IPO11: variants seen among roughly 807,000 people sequenced by gnomAD.
The protein encoded by IPO11 is importin 11, also known as importin-11.
In IPO11, 66 loss-of-function variants were observed where a neutral mutation model predicts 143.2. The ratio of observed to expected loss-of-function variants is 0.46; its 90% CI spans 0.38 to 0.57. The LOEUF is 0.57. Ranked by LOEUF, IPO11 falls within the 20% of genes least tolerant of loss-of-function variation. The pLI is 0.00. For synonymous variants in IPO11, 385 were observed against 377.8 expected, an observed-to-expected ratio of 1.02 and a Z score of -0.22; for missense variants, 1,026 against 1,141.0, an observed-to-expected ratio of 0.90 and a Z score of 1.45.
At chr5:62,614,700 C>G (rs969860547) in intron 29 of IPO11, among the ~76,000 whole-genome samples, 1 of 149,020 alleles carries the variant, frequency 6.7e-6, no homozygotes, top group African/African-American at 2.6e-5. Flanking sequence ...CTCCGAAAAC[C>G]CAAGTGTGCG....
intron 22 of IPO11, among the ~76,000 whole-genome samples, chr5:62,532,089 G>A (rs139553474): frequency 2.2e-3 from 336 of 152,208 alleles, no homozygotes; most frequent in African/African-American, 7.6e-3. Context: ...CAACTTTGTC[G>A]TGAACAACAT....
intron 29 of IPO11, among the ~76,000 whole-genome samples, chr5:62,616,432 G>A (rs1172907356): frequency 6.6e-6 from 1 of 152,014 alleles, no homozygotes; most frequent in Non-Finnish European, 1.5e-5. Context: ...CATCTGATCT[G>A]TGATAAAAAC....
intron 1 of IPO11, among the ~76,000 whole-genome samples, chr5:62,429,587 C>CAT (rs1743898562): frequency 7.8e-6 from 1 of 128,502 alleles, no homozygotes; most frequent in Non-Finnish European, 1.6e-5. Flanking sequence ...GTCTGATTTT[C>CAT]GTGTGTGTGT....
chr5:62,581,232 G>A (rs1208740792), intron 27 of IPO11: 1 of 1,546,268 alleles, frequency 6.5e-7, no homozygotes. Flanking sequence ...CTGGCTTGGA[G>A]CAGATTCGAC....
At chr5:62,446,302 T>C (rs567161183) in intron 3 of IPO11, among the ~76,000 whole-genome samples, 95 of 152,346 alleles carry the variant, frequency 6.2e-4, no homozygotes, top group Non-Finnish European at 2.9e-4. Flanking sequence ...CAGAAACTTT[T>C]ACACACATGT....
chr5:62,525,160 C>T (rs765515680), intron 20 of IPO11, among the ~76,000 whole-genome samples: 1 of 152,134 alleles, frequency 6.6e-6, no homozygotes, highest in Non-Finnish European at 1.5e-5. Context: ...CCAACATCAT[C>T]CTTTTTCCTT....
chr5:62,470,452 C>A (rs1745725929), intron 7 of IPO11, 144 bp downstream of exon 7: 2 of 718,032 alleles, frequency 2.8e-6, no homozygotes, highest in South Asian at 3.5e-5. Flanking sequence ...GACTTTTAGA[C>A]TTCTGGTCTG....
At chr5:62,500,696 C>T (rs1434127796) in intron 16 of IPO11, among the ~76,000 whole-genome samples, 2 of 152,236 alleles carry the variant, frequency 1.3e-5, no homozygotes, top group African/African-American at 4.8e-5. Flanking sequence ...TGGGATCTCT[C>T]TATGTTGCCC....
At chr5:62,606,244 GC>G (rs1202299466) in intron 29 of IPO11, among the ~76,000 whole-genome samples, 2 of 150,602 alleles carry the variant, frequency 1.3e-5, no homozygotes, top group Admixed American at 1.3e-4. Context: ...ACTTTGGGAG[GC>G]CGAGGTGGGC....
At chr5:62,489,976 C>A in intron 14 of IPO11, 139 bp from the exon 15 acceptor site, 1 of 418,420 alleles carries the variant, frequency 2.4e-6, no homozygotes, top group Non-Finnish European at 4.2e-6. Flanking sequence ...ATTATTTCTT[C>A]TACTTAAATT....
chr5:62,560,896 G>A, intron 26 of IPO11: 1 of 302,004 alleles, frequency 3.3e-6, no homozygotes, highest in Non-Finnish European at 6.1e-6. Context: ...TCACTCATGG[G>A]CTACATACAT....
At chr5:62,442,202 T>A (rs181122071) in intron 2 of IPO11, among the ~76,000 whole-genome samples, 51 of 152,338 alleles carry the variant, frequency 3.3e-4, no homozygotes, top group Non-Finnish European at 4.9e-4. Context: ...TGAAATAGTT[T>A]TATTTCATAG....
At chr5:62,463,518 A>G (rs1745451005) in intron 5 of IPO11, among the ~76,000 whole-genome samples, 1 of 151,784 alleles carries the variant, frequency 6.6e-6, no homozygotes, top group African/African-American at 2.4e-5. Context: ...AAAAATAAAT[A>G]TATAAATTAA....
At chr5:62,602,855 T>C (rs373403903) in intron 29 of IPO11, among the ~76,000 whole-genome samples, 12 of 152,362 alleles carry the variant, frequency 7.9e-5, no homozygotes, top group Non-Finnish European at 1.6e-4. Flanking sequence ...CTATTACTTG[T>C]GACCTTGAGC....
chr5:62,453,750 T>C (rs1745024555), intron 5 of IPO11, among the ~76,000 whole-genome samples: 1 of 152,216 alleles, frequency 6.6e-6, no homozygotes. Flanking sequence ...CAATTTGCAT[T>C]TTTAACAAGC....
chr5:62,625,845 T>C (rs1055124557), intron 29 of IPO11, among the ~76,000 whole-genome samples: 1 of 152,228 alleles, frequency 6.6e-6, no homozygotes, highest in African/African-American at 2.4e-5. Context: ...TTTGTCCTTA[T>C]ACCAAATGGC....
intron 27 of IPO11, among the ~76,000 whole-genome samples, chr5:62,568,521 T>TC (rs1482837950): frequency 7.7e-6 from 1 of 130,658 alleles, no homozygotes; most frequent in Admixed American, 9.8e-5. Flanking sequence ...TTGCAGTGGG[T>TC]CGAGATTGTG....
At chr5:62,602,381 T>G (rs1305159019) in intron 29 of IPO11, among the ~76,000 whole-genome samples, 1 of 152,142 alleles carries the variant, frequency 6.6e-6, no homozygotes, top group Non-Finnish European at 1.5e-5. Context: ...TATATAATCG[T>G]GAATGTTTAA....
chr5:62,493,964 T>A, intron 15 of IPO11, 34 bp from the exon 16 acceptor site: 1 of 1,567,996 alleles, frequency 6.4e-7, no homozygotes, highest in Non-Finnish European at 8.7e-7. Context: ...TTAAAATATT[T>A]AACATTTTAA....
Sources: allele counts gnomAD v4.1 joint callset (sites outside exome capture counted in the v4.1 genomes callset), GRCh38; gene constraint gnomAD v4.1.1; transcripts MANE v1.5; gene names NCBI Gene and HGNC (gene_info 2026-07-23, HGNC 2026-07-21).